Variants in DRC11L observed in about 807,000 individuals in gnomAD.
The protein encoded by DRC11L is dynein regulatory complex subunit 11 like.
chr7:151,200,814 C>G, the DRC11L span, among the ~76,000 whole-genome samples: 6 of 152,196 alleles, frequency 3.9e-5, no homozygotes, highest in Non-Finnish European at 8.8e-5. Context: ...TTGATTCCAC[C>G]CAGGCACATA....
chr7:151,198,976 G>A, the DRC11L span: 1 of 399,090 alleles, frequency 2.5e-6, no homozygotes. Context: ...ATGATGCTCA[G>A]GTGCTCTACC....
At chr7:151,200,196 G>A in the DRC11L span, among the ~76,000 whole-genome samples, 2 of 152,208 alleles carry the variant, frequency 1.3e-5, no homozygotes, top group African/African-American at 4.8e-5. Context: ...CAAGAAAAAG[G>A]GTGTGAAGGG....
the DRC11L span, among the ~76,000 whole-genome samples, chr7:151,199,326 G>A: frequency 3.4e-5 from 5 of 145,150 alleles, no homozygotes; most frequent in South Asian, 4.7e-4. This position sits in a 1 kb window ranked among gnomAD's most constrained non-coding sequence, Gnocchi z 5.2. Flanking sequence ...CCCCCGCCCC[G>A]CGGCCGAGTT....
At chr7:151,204,764 G>A in the DRC11L span, 1 of 398,928 alleles carries the variant, frequency 2.5e-6, no homozygotes, top group African/African-American at 2.1e-5. Context: ...GCGCAGGTTC[G>A]AGCAGAAGCT....
At chr7:151,195,892 G>A in the DRC11L span, 2 of 356,148 alleles carry the variant, frequency 5.6e-6, no homozygotes, top group Middle Eastern at 7.1e-4. Flanking sequence ...TCTCTCAGGA[G>A]CCCTGTTCTT....
At chr7:151,200,295 G>A in the DRC11L span, 5 of 399,050 alleles carry the variant, frequency 1.3e-5, no homozygotes, top group East Asian at 1.1e-4. Context: ...GGGCACTGTG[G>A]GGCTGGAAGA....
chr7:151,199,819 G>A, the DRC11L span, among the ~76,000 whole-genome samples: 90 of 152,378 alleles, frequency 5.9e-4, no homozygotes, highest in African/African-American at 2.0e-3. This position sits in a 1 kb window ranked among gnomAD's most constrained non-coding sequence, Gnocchi z 5.2. Flanking sequence ...CTCCAGGCTC[G>A]GCCTGCCTTT....
At chr7:151,194,975 G>C in the DRC11L span, among the ~76,000 whole-genome samples, 1 of 152,192 alleles carries the variant, frequency 6.6e-6, no homozygotes, top group Non-Finnish European at 1.5e-5. Context: ...GTGCTCCTGG[G>C]AGAGACAGAC....
At chr7:151,194,739 C>A in the DRC11L span, 1 of 393,658 alleles carries the variant, frequency 2.5e-6, no homozygotes, top group South Asian at 1.4e-4. Flanking sequence ...ATTCTGTGGT[C>A]AAAAACATCT....
At chr7:151,192,737 C>G in the DRC11L span, 2 of 399,108 alleles carry the variant, frequency 5.0e-6, no homozygotes, top group Non-Finnish European at 8.8e-6. Flanking sequence ...ATCCATGCTC[C>G]CTCACCTCCT....
At chr7:151,191,969 G>A in the DRC11L span, 9 of 398,418 alleles carry the variant, frequency 2.3e-5, no homozygotes, top group Non-Finnish European at 3.5e-5. Flanking sequence ...GATCTGGAAG[G>A]AGTTTTGTGC....
chr7:151,199,271 C>G, the DRC11L span, among the ~76,000 whole-genome samples: 1 of 152,194 alleles, frequency 6.6e-6, no homozygotes, highest in African/African-American at 2.4e-5. The surrounding 1 kb of genome is among the most constrained non-coding windows in gnomAD (Gnocchi z 5.2). Context: ...CCGATTTCCC[C>G]AGCACACCCT....
chr7:151,203,577 G>A, the DRC11L span: 10 of 398,160 alleles, frequency 2.5e-5, no homozygotes, highest in African/African-American at 1.9e-4. Flanking sequence ...TGGCCGATCC[G>A]TTACCATTTT....
chr7:151,191,822 T>C, the DRC11L span: 50 of 399,120 alleles, frequency 1.3e-4, no homozygotes, highest in Non-Finnish European at 2.1e-4. Context: ...GGCACTGATG[T>C]CCAGGTGCTG....
the DRC11L span, chr7:151,203,065 A>G: frequency 1.3e-5 from 5 of 399,378 alleles, no homozygotes; most frequent in East Asian, 1.8e-4. Context: ...CACTAGAATT[A>G]TGGCCTCAGT....
chr7:151,191,841 G>A, the DRC11L span: 1 of 399,132 alleles, frequency 2.5e-6, no homozygotes, highest in Non-Finnish European at 4.4e-6. Flanking sequence ...TGGGTCGGCT[G>A]GATGCCCCGG....
chr7:151,204,387 C>G, the DRC11L span: 1 of 392,994 alleles, frequency 2.5e-6, no homozygotes, highest in South Asian at 1.4e-4. Flanking sequence ...ATCCCTACCC[C>G]ACCCGACCCC....
At chr7:151,191,913 A>G in the DRC11L span, 5 of 399,224 alleles carry the variant, frequency 1.3e-5, no homozygotes, top group African/African-American at 2.1e-5. Context: ...CTGGAGGGGC[A>G]GTGGGCACCA....
At chr7:151,197,604 C>T in the DRC11L span, among the ~76,000 whole-genome samples, 4 of 152,222 alleles carry the variant, frequency 2.6e-5, no homozygotes, top group Non-Finnish European at 4.4e-5. Flanking sequence ...CCACTGCAGT[C>T]TACCCAGACA....
Sources: gnomAD v4.1 joint callset for allele counts (sites outside exome capture counted in the v4.1 genomes callset) on GRCh38, gnomAD v4.1.1 for gene constraint, Gnocchi (gnomAD v3.1) non-coding constraint, MANE v1.5 for transcripts, NCBI Gene and HGNC (gene_info 2026-07-23, HGNC 2026-07-21) for gene names.